LIPC: variants seen among roughly 807,000 people sequenced by gnomAD.
The protein encoded by LIPC is lipase C, hepatic type.
In LIPC, 44 loss-of-function variants were observed where a neutral mutation model predicts 50.7. The observed-to-expected ratio is 0.87, with a 90% confidence interval of 0.68 to 1.11. The LOEUF (loss-of-function observed/expected upper bound fraction) is 1.11, where lower values mean the gene tolerates loss of function less well. Among genes scored for constraint, LIPC ranks in the 50% most tolerant of loss-of-function variants. LIPC has a pLI of 0.00. For synonymous variants in LIPC, 271 were observed against 256.4 expected (o/e 1.06, Z -0.54); for missense variants, 697 against 648.2 (o/e 1.08, Z -0.82).
intron 8 of LIPC, chr15:58,565,818 C>T (rs1324481030): frequency 2.6e-5 from 26 of 984,454 alleles, no homozygotes; most frequent in Non-Finnish European, 3.0e-5. Context: ...GTAGGAGGTA[C>T]TGTATGCGGG....
At chr15:58,497,419 T>C (rs1314156901) in intron 1 of LIPC, among the ~76,000 whole-genome samples, 1 of 152,174 alleles carries the variant, frequency 6.6e-6, no homozygotes, top group African/African-American at 2.4e-5. Flanking sequence ...AAAGACCTTC[T>C]TGGGAAATGC....
chr15:58,472,448 C>T (rs974040857), intron 1 of LIPC, among the ~76,000 whole-genome samples: 5 of 151,372 alleles, frequency 3.3e-5, no homozygotes, highest in African/African-American at 9.7e-5. Context: ...TGGTAGCATG[C>T]GCCTGTAATC....
At chr15:58,482,344 C>A (rs1250610615) in intron 1 of LIPC, among the ~76,000 whole-genome samples, 3 of 152,166 alleles carry the variant, frequency 2.0e-5, no homozygotes, top group Non-Finnish European at 4.4e-5. Flanking sequence ...ATTGACCTCA[C>A]CACCCTCTCC....
Position 58,548,109 on chromosome 15 carries a change from G to A in LIPC, c.809-221G>A, listed in dbSNP as rs2290337. On this transcript the variant is annotated intron_variant, in intron 5 of 8. Coordinates refer to ENST00000299022, the MANE Select transcript of LIPC (RefSeq NM_000236.3). ...TGCTCTCAGGATCCCGGCAGTGCCCGGGATTTTGCCTGACACTACATGACT... is the reference window on the plus strand; with the variant it reads ...TGCTCTCAGGATCCCGGCAGTGCCCAGGATTTTGCCTGACACTACATGACT... Among the ~76,000 whole-genome samples, 6 of 152,152 alleles carry A rather than the reference G, an allele frequency of 3.9e-5. No individual in the cohort carries two copies. The East Asian group carries it at 7.7e-4, about 20-fold the overall frequency.
intron 1 of LIPC, among the ~76,000 whole-genome samples, chr15:58,482,066 AT>A: frequency 6.6e-6 from 1 of 152,188 alleles, no homozygotes. Context: ...TATGGACTAA[AT>A]TTTTTAGCAA....
At chr15:58,525,680 T>A (rs1320412055) in intron 1 of LIPC, among the ~76,000 whole-genome samples, 1 of 151,768 alleles carries the variant, frequency 6.6e-6, no homozygotes, top group Non-Finnish European at 1.5e-5. Flanking sequence ...TCCTGGAGGT[T>A]TGGACTTTGC....
At chr15:58,448,607 C>T (rs1893786530) in intron 1 of LIPC, among the ~76,000 whole-genome samples, 1 of 152,212 alleles carries the variant, frequency 6.6e-6, no homozygotes, top group Non-Finnish European at 1.5e-5. Context: ...TGGCAGAGGC[C>T]GGCAGGCCTA....
At chr15:58,496,899 G>T (rs192583637) in intron 1 of LIPC, among the ~76,000 whole-genome samples, 7 of 152,236 alleles carry the variant, frequency 4.6e-5, no homozygotes, top group African/African-American at 1.7e-4. Flanking sequence ...TGGCCAGGCT[G>T]GTCTCCAACC....
chr15:58,552,614 C>T (rs1486218968), intron 6 of LIPC, among the ~76,000 whole-genome samples: 2 of 152,206 alleles, frequency 1.3e-5, no homozygotes, highest in Non-Finnish European at 2.9e-5. Flanking sequence ...TGCTGCTCGC[C>T]GCAGCCATGA....
At chr15:58,527,978 T>A (rs1328580530) in intron 1 of LIPC, among the ~76,000 whole-genome samples, 1 of 151,980 alleles carries the variant, frequency 6.6e-6, no homozygotes, top group African/African-American at 2.4e-5. Flanking sequence ...ACATCCAACA[T>A]GCTTTCAGCC....
chr15:58,507,279 G>C (rs1481221837), intron 1 of LIPC, among the ~76,000 whole-genome samples: 2 of 151,752 alleles, frequency 1.3e-5, no homozygotes, highest in Non-Finnish European at 2.9e-5. Flanking sequence ...TTTTCTTTTT[G>C]CTTTCTCTAA....
chr15:58,563,133 CTA>C (rs1472274602), intron 7 of LIPC, among the ~76,000 whole-genome samples: 2 of 152,118 alleles, frequency 1.3e-5, no homozygotes, highest in East Asian at 3.9e-4. Context: ...TGCAGGCATA[CTA>C]TGTTAAACCT....
At chr15:58,547,772 AAGGG>A (rs1317798181) in intron 5 of LIPC, among the ~76,000 whole-genome samples, 1 of 152,072 alleles carries the variant, frequency 6.6e-6, no homozygotes, top group Non-Finnish European at 1.5e-5. Context: ...CCTGTTACCT[AAGGG>A]ATGCAATGGC....
At chr15:58,454,759 G>A (rs1390797789) in intron 1 of LIPC, 1 of 152,232 alleles carries the variant, frequency 6.6e-6, no homozygotes, top group African/African-American at 2.4e-5. Flanking sequence ...CCCAGGGCCT[G>A]GGGTTTGGTG....
intron 6 of LIPC, among the ~76,000 whole-genome samples, chr15:58,553,212 A>C (rs1235731281): frequency 2.6e-5 from 4 of 152,178 alleles, no homozygotes; most frequent in Admixed American, 6.5e-5. Flanking sequence ...AAGAGCTGGC[A>C]ACAGGACGCC....
intron 1 of LIPC, among the ~76,000 whole-genome samples, chr15:58,449,577 G>C (rs1893829468): frequency 6.6e-6 from 1 of 150,982 alleles, no homozygotes; most frequent in Non-Finnish European, 1.5e-5. Context: ...TTTTAAGACA[G>C]AGTCTCACTC....
At chr15:58,488,391 C>T (rs1056262392) in intron 1 of LIPC, among the ~76,000 whole-genome samples, 6 of 152,216 alleles carry the variant, frequency 3.9e-5, no homozygotes, top group African/African-American at 7.2e-5. Context: ...TCCTTATCTA[C>T]GCCATTCATC....
At chr15:58,518,922 C>T (rs562766200) in intron 1 of LIPC, among the ~76,000 whole-genome samples, 1 of 151,030 alleles carries the variant, frequency 6.6e-6, no homozygotes, top group South Asian at 2.1e-4. Context: ...CAGAGCTATA[C>T]ACTTACGATT....
At chr15:58,506,215 G>A (rs545153995) in intron 1 of LIPC, among the ~76,000 whole-genome samples, 108 of 152,286 alleles carry the variant, frequency 7.1e-4, no homozygotes, top group Middle Eastern at 3.4e-3. Flanking sequence ...GGAGGGGAGA[G>A]GCTGTGCAGA....
Sources: gnomAD v4.1 joint callset for allele counts (sites outside exome capture counted in the v4.1 genomes callset) on GRCh38, gnomAD v4.1.1 for gene constraint, MANE v1.5 for transcripts, NCBI Gene and HGNC (gene_info 2026-07-23, HGNC 2026-07-21) for gene names.